Variants in NRXN3 observed in about 807,000 individuals in gnomAD.
The protein encoded by NRXN3 is neurexin III.
Under a neutral mutation model 137.6 loss-of-function variants are expected in NRXN3, and 32 were observed. The observed-to-expected ratio is 0.23, with a 90% CI of 0.18 to 0.31. The LOEUF (loss-of-function observed/expected upper bound fraction) is 0.31. NRXN3 is among the 10% of genes least tolerant of loss of function. The pLI is 1.00. For missense variants in NRXN3, 1,574 were observed against 2,062.5 expected (o/e 0.76, Z 4.59); for synonymous variants, 798 against 784.5 (o/e 1.02, Z -0.29).
Position 78,510,040 on chromosome 14 carries a change from T to TTATATATATA in NRXN3, c.758-135070_758-135061dup, listed in dbSNP as rs57232548. 1.8e-3 allele frequency among the ~76,000 whole-genome samples: 260 copies of TTATATATATA among 144,490 alleles called. 9 individuals are homozygous for TTATATATATA. The highest frequency in any genetic ancestry group is 6.3e-3 in the African/African-American group (232 of 36,578). 94.8% of individuals were successfully genotyped at this position (144,490 alleles called of 152,430 possible). A position where few individuals can be genotyped will look rare whatever the true frequency, so the allele number is the denominator to read the frequency against. On this transcript the variant is annotated intron_variant, in intron 4 of 20. Coordinates refer to ENST00000335750, the MANE Select transcript of NRXN3 (RefSeq NM_001330195.2). ...AAGGCAGCCAGAACATGACAAAATT[T>TTATATATATA]TATATATATATATATATATTTTGGC...
chr14:78,341,661 AG>A, intron 4 of NRXN3, among the ~76,000 whole-genome samples: 2 of 152,306 alleles, frequency 1.3e-5, no homozygotes, highest in Middle Eastern at 6.8e-3. Context: ...GGTGCAAGGA[AG>A]GGAAGGCTTG....
At chr14:79,744,985 T>G (rs1459583255) in intron 19 of NRXN3, among the ~76,000 whole-genome samples, 1 of 150,786 alleles carries the variant, frequency 6.6e-6, no homozygotes, top group Non-Finnish European at 1.5e-5. Flanking sequence ...CCAGGACCAG[T>G]TTAAGTCAAA....
intron 15 of NRXN3, among the ~76,000 whole-genome samples, chr14:79,251,441 A>C (rs1568787996): frequency 6.6e-6 from 1 of 152,124 alleles, no homozygotes; most frequent in Non-Finnish European, 1.5e-5. Flanking sequence ...TAAATGGAAA[A>C]ATTATGATGT....
At chr14:78,574,618 C>A (rs569841571) in intron 4 of NRXN3, among the ~76,000 whole-genome samples, 1 of 152,338 alleles carries the variant, frequency 6.6e-6, no homozygotes, top group Non-Finnish European at 1.5e-5. Flanking sequence ...CAGTTTCTCC[C>A]ATGTGGAATA....
intron 8 of NRXN3, among the ~76,000 whole-genome samples, chr14:78,739,511 G>A (rs572631245): frequency 1.3e-5 from 2 of 152,180 alleles, no homozygotes; most frequent in Non-Finnish European, 2.9e-5. Context: ...TTTCATTGTT[G>A]ATGCGGCTGG....
intron 11 of NRXN3, 84 bp downstream of exon 11, chr14:78,957,445 C>T: frequency 1.4e-6 from 2 of 1,475,030 alleles, no homozygotes; most frequent in Non-Finnish European, 1.8e-6. Context: ...TTTGCAAAAC[C>T]TTTTATTTTG....
At chr14:78,878,063 C>G (rs1263538634) in intron 10 of NRXN3, among the ~76,000 whole-genome samples, 1 of 152,038 alleles carries the variant, frequency 6.6e-6, no homozygotes, top group Non-Finnish European at 1.5e-5. Flanking sequence ...GGTCACTGTT[C>G]ATTAGTGAGA....
intron 4 of NRXN3, among the ~76,000 whole-genome samples, chr14:78,566,034 C>T (rs977752505): frequency 6.6e-6 from 1 of 152,206 alleles, no homozygotes; most frequent in African/African-American, 2.4e-5. Flanking sequence ...TTCCTCCCCA[C>T]ACTGGCAGCT....
intron 4 of NRXN3, among the ~76,000 whole-genome samples, chr14:78,620,224 C>T (rs779471505): frequency 1.3e-5 from 2 of 152,142 alleles, no homozygotes; most frequent in African/African-American, 4.8e-5. Flanking sequence ...GCATTTGAAG[C>T]GATTCCAACT....
chr14:79,774,052 C>T lies in NRXN3; in HGVS notation c.4015-31060C>T, dbSNP rs374795575. ...TACAAAAGAACCCTAGTAGACTGTT[C>T]GCTGGCAGGAATGTGTTCTAGAGGA... On this transcript the variant is annotated intron_variant, in intron 19 of 20. Transcript: ENST00000335750. 3.2e-3 allele frequency among the ~76,000 whole-genome samples: 483 copies of T among 152,160 alleles called. 1 individual carries two copies. The highest frequency in any genetic ancestry group is 9.3e-3 in the African/African-American group (386 of 41,516).
intron 15 of NRXN3, among the ~76,000 whole-genome samples, chr14:79,437,608 G>A (rs963606961): frequency 3.3e-5 from 5 of 152,152 alleles, no homozygotes; most frequent in Admixed American, 6.6e-5. Flanking sequence ...ATGCAGCTAC[G>A]GAAGAGAACA....
chr14:79,059,344 G>A (rs960903161), intron 15 of NRXN3, among the ~76,000 whole-genome samples: 3 of 142,004 alleles, frequency 2.1e-5, no homozygotes, highest in Non-Finnish European at 4.5e-5. Flanking sequence ...TGCAAGCTCC[G>A]CCTCCCGGGT....
chr14:79,677,095 A>G (rs1246529211), intron 17 of NRXN3, among the ~76,000 whole-genome samples: 1 of 152,092 alleles, frequency 6.6e-6, no homozygotes, highest in East Asian at 1.9e-4. Context: ...ACAAAAGAAA[A>G]ATATCATTTA....
At chr14:79,142,762 G>A (rs2058925321) in intron 15 of NRXN3, among the ~76,000 whole-genome samples, 1 of 152,166 alleles carries the variant, frequency 6.6e-6, no homozygotes, top group Non-Finnish European at 1.5e-5. Context: ...TTTCAGGAGA[G>A]AAATGATGAG....
chr14:79,015,221 G>A (rs2099577321), intron 15 of NRXN3, among the ~76,000 whole-genome samples: 1 of 139,344 alleles, frequency 7.2e-6, no homozygotes, highest in Non-Finnish European at 1.5e-5. Flanking sequence ...TGCAGTGTTT[G>A]GTGGGGGGTT....
chr14:78,999,966 A>C (rs1332903653), intron 15 of NRXN3, among the ~76,000 whole-genome samples: 1 of 152,226 alleles, frequency 6.6e-6, no homozygotes, highest in Non-Finnish European at 1.5e-5. Flanking sequence ...AATCAGTACT[A>C]CATGATTGAA....
intron 7 of NRXN3, among the ~76,000 whole-genome samples, chr14:78,714,049 A>C (rs925447308): frequency 2.0e-5 from 3 of 152,222 alleles, no homozygotes; most frequent in African/African-American, 7.2e-5. Context: ...CAGAGACAGA[A>C]TAGGTCTTCC....
rs115119171 is a variant in NRXN3, at chr14:78,234,831, A to T, written c.-703-7560A>T. Among the ~76,000 whole-genome samples the T allele has an allele frequency of 4.0e-3, 601 of 151,952 alleles. 2 individuals carry two copies. The highest frequency in any genetic ancestry group is 0.014 in the African/African-American group (577 of 41,456). On this transcript the variant is annotated intron_variant, in intron 1 of 20. Coordinates refer to ENST00000335750, the MANE Select transcript of NRXN3 (RefSeq NM_001330195.2). The stretch of plus-strand genomic sequence containing the variant: ...TAAATGAAAAACTTTCTTTTCATTC[A>T]CTATCTTTCAGCTTACCTACACCTT...
At chr14:78,743,514 G>T (rs996221122) in intron 8 of NRXN3, among the ~76,000 whole-genome samples, 2 of 152,078 alleles carry the variant, frequency 1.3e-5, no homozygotes, top group African/African-American at 4.8e-5. Context: ...TGAGCATTAG[G>T]CACACATAGC....
Sources: allele counts gnomAD v4.1 joint callset (sites outside exome capture counted in the v4.1 genomes callset), GRCh38; gene constraint gnomAD v4.1.1; transcripts MANE v1.5; gene names NCBI Gene and HGNC (gene_info 2026-07-23, HGNC 2026-07-21).